The following RORA variants were observed in gnomAD, a reference collection of about 807,000 sequenced individuals.
RORA encodes nuclear receptor ROR-alpha.
In RORA, 7 loss-of-function variants were observed where a neutral mutation model predicts 69.5. The observed-to-expected ratio is 0.10, with a 90% CI of 0.06 to 0.19. The LOEUF (loss-of-function observed/expected upper bound fraction) is 0.19, where lower values mean the gene tolerates loss of function less well. Among genes scored for constraint, RORA ranks in the 10% least tolerant of loss-of-function variants. The pLI is 1.00. For missense variants in RORA, 457 were observed against 663.0 expected (o/e 0.69, Z 3.41); for synonymous variants, 261 against 240.8 (o/e 1.08, Z -0.78).
chr15:60,521,221 A>G (rs1045808938), intron 3 of RORA, among the ~76,000 whole-genome samples: 1 of 151,334 alleles, frequency 6.6e-6, no homozygotes, highest in African/African-American at 2.4e-5. Flanking sequence ...TCCCATTTTT[A>G]TAAGTCAAAA....
intron 1 of RORA, among the ~76,000 whole-genome samples, chr15:60,873,781 A>C (rs575001927): frequency 6.6e-6 from 1 of 152,320 alleles, no homozygotes; most frequent in African/African-American, 2.4e-5. Flanking sequence ...AGCTAGAGAT[A>C]TCCGGTTGCT....
chr15:60,988,978 T>G (rs1442758415), intron 1 of RORA, among the ~76,000 whole-genome samples: 1 of 152,228 alleles, frequency 6.6e-6, no homozygotes, highest in African/African-American at 2.4e-5. Context: ...GAAAAGGGTA[T>G]TTTTTGAATG....
At chr15:60,659,586 C>T (rs1481789044) in intron 2 of RORA, among the ~76,000 whole-genome samples, 1 of 152,156 alleles carries the variant, frequency 6.6e-6, no homozygotes, top group Non-Finnish European at 1.5e-5. Context: ...GCAATGCATA[C>T]ACTTTATATA....
rs142115717 is a variant in RORA, at chr15:60,912,492, C to T, written c.167-233806G>A. ...CCACCTCGCCGGGCATGGTGGCTCA[C>T]ACCTGCAATCCCAGCACTTTGGGAG... On this transcript the variant is annotated intron_variant, in intron 1 of 10. Coordinates refer to ENST00000335670, the MANE Select transcript of RORA (RefSeq NM_134261.3). 6.9e-3 allele frequency among the ~76,000 whole-genome samples: 1,042 copies of T among 152,092 alleles called. 17 individuals carry two copies. Among genetic ancestry groups the T allele is most frequent in the African/African-American group, 0.024 (991 of 41,504 alleles).
chr15:60,720,551 G>T (rs1229719628), intron 1 of RORA, among the ~76,000 whole-genome samples: 1 of 152,178 alleles, frequency 6.6e-6, no homozygotes, highest in Non-Finnish European at 1.5e-5. Context: ...CAGTATTTGT[G>T]TGTAAATAAG....
chr15:60,644,287 A>T (rs1312189511), intron 2 of RORA, among the ~76,000 whole-genome samples: 1 of 152,212 alleles, frequency 6.6e-6, no homozygotes, highest in Non-Finnish European at 1.5e-5. Flanking sequence ...ACACATTAAC[A>T]GTGGTAAGAG....
intron 1 of RORA, among the ~76,000 whole-genome samples, chr15:60,807,151 AC>A: frequency 6.6e-6 from 1 of 152,144 alleles, no homozygotes; most frequent in Non-Finnish European, 1.5e-5. Flanking sequence ...ATGATCCTGT[AC>A]CTAGAAAAAC....
intron 1 of RORA, among the ~76,000 whole-genome samples, chr15:60,934,064 G>A (rs775460480): frequency 6.3e-4 from 96 of 152,238 alleles, no homozygotes; most frequent in Non-Finnish European, 1.1e-3. Context: ...TGCATCAATA[G>A]GGGTGGGTCA....
chr15:60,734,030 G>A (rs1038337318), intron 1 of RORA, among the ~76,000 whole-genome samples: 1 of 152,026 alleles, frequency 6.6e-6, no homozygotes, highest in Non-Finnish European at 1.5e-5. Context: ...CAGAGTGGGA[G>A]GAGAGAGACA....
chr15:61,073,992 A>G (rs1898472), intron 1 of RORA, among the ~76,000 whole-genome samples: 62,400 of 152,062 alleles, frequency 0.41, 13,068 homozygotes, highest in African/African-American at 0.47. Flanking sequence ...ACTGAGCTTA[A>G]TGATAAAATG....
chr15:61,158,344 G>A (rs887950082), intron 1 of RORA, among the ~76,000 whole-genome samples: 1 of 152,234 alleles, frequency 6.6e-6, no homozygotes, highest in Non-Finnish European at 1.5e-5. Flanking sequence ...CAGCCAGGAT[G>A]TCTTTGCAAG....
chr15:61,085,167 T>C (rs2078604504), intron 1 of RORA, among the ~76,000 whole-genome samples: 1 of 152,128 alleles, frequency 6.6e-6, no homozygotes. Context: ...AGAAGAGAGC[T>C]CAAAGTCACA....
intron 1 of RORA, among the ~76,000 whole-genome samples, chr15:61,200,245 A>G (rs996344919): frequency 5.3e-5 from 8 of 152,322 alleles, no homozygotes; most frequent in African/African-American, 1.9e-4. Flanking sequence ...GGAATGGCCT[A>G]GAAAGCTATA....
intron 1 of RORA, among the ~76,000 whole-genome samples, chr15:60,747,360 A>T (rs2071663473): frequency 6.6e-6 from 1 of 152,186 alleles, no homozygotes; most frequent in Non-Finnish European, 1.5e-5. Context: ...GAGAGATGGG[A>T]GTGTACAGAT....
intron 1 of RORA, among the ~76,000 whole-genome samples, chr15:61,046,338 G>A (rs1027839824): frequency 1.3e-5 from 2 of 151,382 alleles, no homozygotes; most frequent in African/African-American, 4.8e-5. Context: ...AACATGGTCA[G>A]CTCTTTCTCA....
chr15:60,824,614 C>G (rs557740915), intron 1 of RORA, among the ~76,000 whole-genome samples: 4 of 152,272 alleles, frequency 2.6e-5, no homozygotes, highest in South Asian at 4.1e-4. Context: ...CGACTATGGA[C>G]AAATTATATA....
chr15:60,837,556 C>T (rs2073133955), intron 1 of RORA, among the ~76,000 whole-genome samples: 1 of 152,200 alleles, frequency 6.6e-6, no homozygotes, highest in Admixed American at 6.5e-5. Flanking sequence ...AAGAAAATCG[C>T]CACCTCCTGC....
chr15:60,565,077 T>G (rs2067679039), intron 2 of RORA, among the ~76,000 whole-genome samples: 1 of 152,174 alleles, frequency 6.6e-6, no homozygotes, highest in African/African-American at 2.4e-5. Context: ...CCATCAGAGC[T>G]TTGAAGAAGA....
At chr15:61,146,087 A>G (rs2079344693) in intron 1 of RORA, among the ~76,000 whole-genome samples, 1 of 152,324 alleles carries the variant, frequency 6.6e-6, no homozygotes, top group South Asian at 2.1e-4. Flanking sequence ...ATTAGACTTG[A>G]GCCAATGGCA....
Sources: allele counts gnomAD v4.1 joint callset (sites outside exome capture counted in the v4.1 genomes callset), GRCh38; gene constraint gnomAD v4.1.1; transcripts MANE v1.5; gene names NCBI Gene and HGNC (gene_info 2026-07-23, HGNC 2026-07-21).